MACROD2: variants seen among roughly 807,000 people sequenced by gnomAD.
The protein encoded by MACROD2 is mono-ADP ribosylhydrolase 2.
Under a neutral mutation model 70.4 loss-of-function variants are expected in MACROD2, and 36 were observed. The observed-to-expected ratio is 0.51, with a 90% confidence interval of 0.39 to 0.68. The LOEUF (loss-of-function observed/expected upper bound fraction) is 0.68. Ranked by LOEUF, MACROD2 falls within the 30% of genes least tolerant of loss-of-function variation. The pLI, the probability that MACROD2 is intolerant of heterozygous loss-of-function variation, is 0.00. For synonymous variants in MACROD2, 172 were observed against 178.8 expected (o/e 0.96, Z 0.30); for missense variants, 496 against 538.4 (o/e 0.92, Z 0.78).
intron 3 of MACROD2, among the ~76,000 whole-genome samples, chr20:14,271,554 C>G (rs974870411): frequency 1.3e-5 from 2 of 152,004 alleles, no homozygotes; most frequent in African/African-American, 4.8e-5. Context: ...AAAAACAGAG[C>G]AGAAAAACTG....
At chr20:14,909,082 T>C (rs979222345) in intron 5 of MACROD2, among the ~76,000 whole-genome samples, 1 of 152,012 alleles carries the variant, frequency 6.6e-6, no homozygotes, top group African/African-American at 2.4e-5. Context: ...AGATGGGAGA[T>C]TTAATAGTGT....
intron 3 of MACROD2, among the ~76,000 whole-genome samples, chr20:14,375,153 AAATGTTAT>A (rs2083360047): frequency 1.3e-5 from 2 of 152,166 alleles, no homozygotes; most frequent in Admixed American, 1.3e-4. Flanking sequence ...AGAAAAATTC[AAATGTTAT>A]TTTTTACAAA....
At chr20:15,579,355 C>CT (rs1001512416) in intron 8 of MACROD2, among the ~76,000 whole-genome samples, 1 of 152,094 alleles carries the variant, frequency 6.6e-6, no homozygotes, top group African/African-American at 2.4e-5. Context: ...AATTCATGAC[C>CT]TTTTTTTGGG....
chr20:15,121,527 A>G (rs1345942322), intron 5 of MACROD2, among the ~76,000 whole-genome samples: 1 of 151,224 alleles, frequency 6.6e-6, no homozygotes, highest in Non-Finnish European at 1.5e-5. Flanking sequence ...AAAAAAAAAA[A>G]AAAGAAAAAA....
chr20:15,407,183 C>T (rs899489522), intron 6 of MACROD2, among the ~76,000 whole-genome samples: 3 of 152,168 alleles, frequency 2.0e-5, no homozygotes, highest in African/African-American at 7.2e-5. Flanking sequence ...TCCTGCAACT[C>T]AGGCCTAGAG....
intron 4 of MACROD2, among the ~76,000 whole-genome samples, chr20:14,663,799 A>T (rs1228359763): frequency 6.6e-6 from 1 of 152,094 alleles, no homozygotes; most frequent in Non-Finnish European, 1.5e-5. Flanking sequence ...ACATCATGGC[A>T]TTTAGCTTTA....
chr20:16,021,206 A>T (rs1314374008), intron 15 of MACROD2, among the ~76,000 whole-genome samples: 1 of 152,174 alleles, frequency 6.6e-6, no homozygotes, highest in Non-Finnish European at 1.5e-5. Flanking sequence ...TAATACCTGT[A>T]CTCAGAACGT....
At chr20:14,668,480 A>G (rs967335110) in intron 4 of MACROD2, among the ~76,000 whole-genome samples, 5 of 152,166 alleles carry the variant, frequency 3.3e-5, no homozygotes, top group Non-Finnish European at 5.9e-5. Flanking sequence ...CAAATAACGC[A>G]GGCCTAGGGT....
chr20:14,034,273 C>A (rs780855245), intron 2 of MACROD2, among the ~76,000 whole-genome samples: 14 of 152,168 alleles, frequency 9.2e-5, no homozygotes, highest in Non-Finnish European at 1.2e-4. Context: ...CGCGTCCAGC[C>A]CCTACTTCAC....
At chr20:14,479,289 T>C (rs1300192687) in intron 3 of MACROD2, among the ~76,000 whole-genome samples, 1 of 152,244 alleles carries the variant, frequency 6.6e-6, no homozygotes, top group East Asian at 1.9e-4. Context: ...TGGCAGGTGC[T>C]TGTTGAGGCC....
At chr20:14,411,180 T>C (rs966828080) in intron 3 of MACROD2, among the ~76,000 whole-genome samples, 10 of 152,290 alleles carry the variant, frequency 6.6e-5, no homozygotes, top group East Asian at 3.9e-4. Context: ...CTAGTGACCA[T>C]AGGGCTTCTA....
At chr20:14,793,508 A>G (rs939576472) in intron 5 of MACROD2, among the ~76,000 whole-genome samples, 3 of 151,324 alleles carry the variant, frequency 2.0e-5, no homozygotes, top group Admixed American at 6.6e-5. Flanking sequence ...TGTCATCCAG[A>G]GTCCAGTCAG....
At chr20:16,036,895 C>T (rs1474513822) in intron 15 of MACROD2, among the ~76,000 whole-genome samples, 1 of 151,966 alleles carries the variant, frequency 6.6e-6, no homozygotes, top group Non-Finnish European at 1.5e-5. Context: ...ACAGGAAAAC[C>T]TCATGTGCAC....
At chr20:15,781,629 T>G (rs1385971976) in intron 8 of MACROD2, among the ~76,000 whole-genome samples, 1 of 152,114 alleles carries the variant, frequency 6.6e-6, no homozygotes, top group Admixed American at 6.5e-5. Flanking sequence ...GAAGTCTCTT[T>G]AATGGGGGCC....
At chr20:15,748,383 C>CCTTTCTTT (rs200211336) in intron 8 of MACROD2, among the ~76,000 whole-genome samples, 4 of 151,834 alleles carry the variant, frequency 2.6e-5, no homozygotes, top group African/African-American at 9.7e-5. Context: ...TTCCTTCTTT[C>CCTTTCTTT]CTTTCTTTCT....
intron 3 of MACROD2, among the ~76,000 whole-genome samples, chr20:14,158,850 C>G (rs896096880): frequency 2.6e-5 from 4 of 152,154 alleles, no homozygotes; most frequent in African/African-American, 4.8e-5. Flanking sequence ...TGTGATACCT[C>G]CAGCTTTGTC....
At chr20:14,664,031 A>G (rs6135219) in intron 4 of MACROD2, among the ~76,000 whole-genome samples, 17,386 of 152,142 alleles carry the variant, frequency 0.11, 1,631 homozygotes, top group South Asian at 0.28. Flanking sequence ...TAATTAAAGC[A>G]CTTTATCGCA....
At chr20:15,674,881 A>AG (rs1011889810) in intron 8 of MACROD2, among the ~76,000 whole-genome samples, 15 of 152,160 alleles carry the variant, frequency 9.9e-5, no homozygotes, top group Non-Finnish European at 1.5e-5. Context: ...AGTTGAGCCA[A>AG]GCCATTCATG....
intron 5 of MACROD2, among the ~76,000 whole-genome samples, chr20:15,218,682 T>C (rs1177356628): frequency 1.3e-5 from 2 of 152,164 alleles, no homozygotes; most frequent in Non-Finnish European, 2.9e-5. Context: ...CTCAAGAGGA[T>C]GGTGAGTGGA....
Sources: allele counts gnomAD v4.1 joint callset (sites outside exome capture counted in the v4.1 genomes callset), GRCh38; gene constraint gnomAD v4.1.1; transcripts MANE v1.5; gene names NCBI Gene and HGNC (gene_info 2026-07-23, HGNC 2026-07-21).